APC2: variants seen among roughly 807,000 people sequenced by gnomAD.
The protein encoded by APC2 is APC regulator of Wnt signaling pathway 2.
APC2 carries 41 observed loss-of-function variants against 72.5 expected under a neutral mutation model. That is an observed-to-expected ratio of 0.57 (90% CI 0.44 to 0.73). The LOEUF (loss-of-function observed/expected upper bound fraction) is 0.73, where lower values mean the gene tolerates loss of function less well. APC2 is among the 30% of genes least tolerant of loss of function. The probability of loss-of-function intolerance (pLI) is 0.00; values close to 1 mark genes in which losing one functional copy is unlikely to be tolerated. For synonymous variants in APC2, 1,898 were observed against 1,612.0 expected (o/e 1.18, Z -4.25); for missense variants, 3,729 against 3,403.4 (o/e 1.10, Z -2.38).
At chr19:1,447,827 T>C (rs915459604), upstream of APC2, among the ~76,000 whole-genome samples, 2 of 152,056 alleles carry the variant, frequency 1.3e-5, no homozygotes, top group African/African-American at 4.8e-5. Context: ...CTGGCACAGG[T>C]GAACTCAGGC....
intron 10 of APC2, among the ~76,000 whole-genome samples, 168 bp from the exon 11 acceptor site, chr19:1,460,013 G>A (rs1160261183): frequency 6.6e-6 from 1 of 152,202 alleles, no homozygotes; most frequent in Non-Finnish European, 1.5e-5. Context: ...TGGCAGCAGG[G>A]TGAGGCCATA....
intron 14 of APC2, among the ~76,000 whole-genome samples, chr19:1,463,006 T>A (rs1282894795): frequency 6.7e-6 from 1 of 149,788 alleles, no homozygotes; most frequent in African/African-American, 2.5e-5. Context: ...CTGGGCTCGG[T>A]CCCTCACACC....
chr19:1,469,138 G>C lies in APC2; in HGVS notation c.5837G>C (p.Arg1946Pro), dbSNP rs1274066040. ...CGGCGTGGGCCGCCACCGCTGGCTCGGGCAGTCCCGGAGCCGGGCCCCAGG... is the reference window on the plus strand; with the variant it reads ...CGGCGTGGGCCGCCACCGCTGGCTCCGGCAGTCCCGGAGCCGGGCCCCAGG... ...PARRGPPPLA[R>P]AVPEPGPRGR... The change falls in exon 15 of 15, where the codon CGG becomes CCG. Residue 1946 changes from arginine (R) to proline (P), a missense_variant. Physicochemically the swap from Arg to Pro is moderately radical, Grantham distance 103. Transcript: ENST00000590469. 5.3e-6 allele frequency: 7 copies of C among 1,315,132 alleles called. No individual in the cohort carries two copies. Among genetic ancestry groups the C allele is most frequent in the African/African-American group, 1.5e-5 (1 of 64,572 alleles). The allele number at this position is 1,315,132 out of a possible 1,614,324, so 81.5% of individuals were successfully genotyped here.
In APC2 at chr19:1,465,436, G is replaced by A. The variant is rs758427526; in HGVS notation, c.2135G>A (p.Gly712Asp). The change falls in exon 15 of 15, where the codon GGC (glycine) becomes GAC (aspartate). Residue 712 changes from glycine to aspartate, a missense_variant. Transcript: ENST00000590469. ...GCGGCCGCCACCGCCGTGTCCCCAG[G>A]CAGCTGCGTGCCCAGCCTGTACGTG... Reference protein sequence around the residue: ...HQAAATAVSPGSCVPSLYVRK... With the variant: ...HQAAATAVSPDSCVPSLYVRK... 14 of 1,540,798 alleles carry A rather than the reference G, an allele frequency of 9.1e-6. 2 individuals carry two copies. In the South Asian group the frequency reaches 1.3e-4, roughly 14 times the overall value.
At chr19:1,458,098 C>A (rs1324798187) in intron 10 of APC2, 38 bp downstream of exon 10, 14 of 1,530,406 alleles carry the variant, frequency 9.1e-6, no homozygotes, top group Non-Finnish European at 1.2e-5. Context: ...CATCCTCCAG[C>A]CCCCGAACAG....
upstream of APC2, among the ~76,000 whole-genome samples, chr19:1,446,992 G>C (rs990754660): frequency 6.6e-6 from 1 of 152,096 alleles, no homozygotes; most frequent in South Asian, 2.1e-4. The surrounding 1 kb of genome is among the most constrained non-coding windows in gnomAD (Gnocchi z 6.1). Flanking sequence ...TAAGGCGCCC[G>C]CAAGAGAACG....
chr19:1,466,684 C>T lies in APC2; in HGVS notation c.3383C>T (p.Ala1128Val). Reference sequence around the variant, plus strand: ...ACCTCGCTGCCCGTAGCCATTCCGGCTCCCCGGCGTAACCGAGGCCGGGGC... The same window carrying T: ...ACCTCGCTGCCCGTAGCCATTCCGGTTCCCCGGCGTAACCGAGGCCGGGGC... ...GATSLPVAIPAPRRNRGRGLG... is the reference protein window; with the variant it reads ...GATSLPVAIPVPRRNRGRGLG... The change falls in exon 15 of 15, where the codon GCT becomes GTT. Residue 1128 changes from alanine (A) to valine (V), a missense_variant. By Grantham distance (64) the Ala-to-Val change is moderately conservative. Transcript: ENST00000590469. 6.6e-7 allele frequency: 1 copy of T among 1,511,020 alleles called. No individual in the cohort carries two copies. Among genetic ancestry groups the T allele is most frequent in the Non-Finnish European group, 8.9e-7 (1 of 1,129,180 alleles). 93.6% of individuals were successfully genotyped at this position (1,511,020 alleles called of 1,614,324 possible).
rs764387678 is a variant in APC2 at position 1,468,150 on chromosome 19, G to T, written c.4849G>T (p.Asp1617Tyr). 9.5e-6 allele frequency: 14 copies of T among 1,477,402 alleles called. No individual in the cohort carries two copies. Among genetic ancestry groups the T allele is most frequent in the Non-Finnish European group, 1.8e-6 (2 of 1,122,048 alleles). The allele number at this position is 1,477,402 out of a possible 1,614,324, so 91.5% of individuals were successfully genotyped here. Residue 1617 changes from aspartate (D) to tyrosine (Y), a missense_variant, in exon 15 of 15, where the codon GAC (aspartate) becomes TAC (tyrosine). Coordinates refer to ENST00000590469, the MANE Select transcript of APC2 (RefSeq NM_005883.3). ...GGACCCGGGCCCAGGAGGCGGACGC[G>T]ACAGCTCGCCCAGCCCGCGGGCCGC... ...TKDPGPGGGR[D>Y]SSPSPRAAEE...
chr19:1,467,393 A>G lies in APC2; in HGVS notation c.4092A>G (p.Pro1364=), dbSNP rs1226470567. 6.7e-7 allele frequency: 1 copy of G among 1,487,236 alleles called. No homozygotes were observed. The highest frequency in any genetic ancestry group is 2.8e-5 in the East Asian group (1 of 35,266). 92.1% of individuals were successfully genotyped at this position (1,487,236 alleles called of 1,614,324 possible). A position where few individuals can be genotyped will look rare whatever the true frequency, so the allele number is the denominator to read the frequency against. ...RLRKVASALV[P]GRRALPVPVY... is the part of the protein sequence containing the mutation. ...GCAAGGTGGCCTCCGCGCTGGTGCC[A>G]GGTCGCCGCGCACTCCCCGTGCCCG... The change falls in exon 15 of 15, where the codon CCA becomes CCG. Residue 1364 remains proline, a synonymous_variant. Transcript: ENST00000590469.
Position 1,467,291 on chromosome 19 carries a change from T to C in APC2, c.3990T>C (p.Ser1330=). 7.6e-7 allele frequency: 1 copy of C among 1,322,052 alleles called. No individual in the cohort carries two copies. Among genetic ancestry groups the C allele is most frequent in the Non-Finnish European group, 9.6e-7 (1 of 1,040,270 alleles). 81.9% of individuals were successfully genotyped at this position (1,322,052 alleles called of 1,614,324 possible). A position where few individuals can be genotyped will look rare whatever the true frequency, so the allele number is the denominator to read the frequency against. ...AGGAGGGGCCGGCGCCCACGGGTTCTCGCCCTCGCGGCGCCGCGGACCAGG... is the reference window on the plus strand; with the variant it reads ...AGGAGGGGCCGGCGCCCACGGGTTCCCGCCCTCGCGGCGCCGCGGACCAGG... The part of the protein sequence containing the change: ...RREEGPAPTG[S]RPRGAADQEL... The change falls in exon 15 of 15, where the codon TCT becomes TCC. Residue 1330 remains serine, a synonymous_variant. Coordinates refer to ENST00000590469, the MANE Select transcript of APC2 (RefSeq NM_005883.3).
In APC2 at chr19:1,465,661, T is replaced by TGGCTGC. The variant is rs2083996707; in HGVS notation, c.2364_2369dup (p.Ala791_Ala792dup). ...GACGACGACGATGCACCGTCATCCC[T>TGGCTGC]GGCTGCGGCCGCGGCCACCGGGGAG... On this transcript the variant is annotated inframe_insertion, in exon 15 of 15. Coordinates refer to ENST00000590469, the MANE Select transcript of APC2 (RefSeq NM_005883.3). The TGGCTGC allele has an allele frequency of 1.2e-6, 2 of 1,600,988 alleles. No homozygotes were observed. The highest frequency in any genetic ancestry group is 1.7e-6 in the Non-Finnish European group (2 of 1,174,998).
At position 1,467,626 on chromosome 19, in the gene APC2, G is replaced by C. The variant is rs1432635599; in HGVS notation, c.4325G>C (p.Arg1442Pro). 6.7e-7 allele frequency: 1 copy of C among 1,489,016 alleles called. No homozygotes were observed. The highest frequency in any genetic ancestry group is 1.3e-5 in the South Asian group (1 of 78,292). 92.2% of individuals were successfully genotyped at this position (1,489,016 alleles called of 1,614,324 possible). ...PTSARQAMGH[R>P]HKAGGAGRSA... ...TCTGCCAGACAGGCCATGGGGCACCGGCACAAGGCGGGAGGCGCCGGCCGC... is the reference window on the plus strand; with the variant it reads ...TCTGCCAGACAGGCCATGGGGCACCCGCACAAGGCGGGAGGCGCCGGCCGC... The change falls in exon 15 of 15, where the codon CGG becomes CCG. Residue 1442 changes from arginine to proline, a missense_variant. By Grantham distance (103) the Arg-to-Pro change is moderately radical (BLOSUM62 -2). Coordinates refer to ENST00000590469, the MANE Select transcript of APC2 (RefSeq NM_005883.3).
chr19:1,451,258 T>A (rs1231602748), intron 1 of APC2: 1 of 152,658 alleles, frequency 6.6e-6, no homozygotes, highest in Non-Finnish European at 1.5e-5. Flanking sequence ...TTGGCTTCGG[T>A]CAGCTGAGAA....
intron 13 of APC2, chr19:1,461,639 T>G (rs959579774): frequency 8.8e-6 from 3 of 341,756 alleles, no homozygotes; most frequent in East Asian, 1.2e-4. Flanking sequence ...GATCACAAGG[T>G]CAGGAGATCG....
In APC2 at chr19:1,465,614, T is replaced by C. The variant is rs2145231222; in HGVS notation, c.2313T>C (p.Tyr771=). 1 of 1,599,922 alleles carries C rather than the reference T, an allele frequency of 6.3e-7. No individual in the cohort carries two copies. The highest frequency in any genetic ancestry group is 8.5e-7 in the Non-Finnish European group (1 of 1,174,438). Residue 771 remains tyrosine, a synonymous_variant, in exon 15 of 15, where the codon TAT becomes TAC. Coordinates refer to ENST00000590469, the MANE Select transcript of APC2 (RefSeq NM_005883.3). Reference sequence around the variant, plus strand: ...ACCTGGACGGCCTGGCCCAAGACTATGCTTCCGATTCGGGCTGCTTTGACG... The same window carrying C: ...ACCTGGACGGCCTGGCCCAAGACTACGCTTCCGATTCGGGCTGCTTTGACG... The part of the protein sequence containing the change: ...LRHLDGLAQD[Y]ASDSGCFDDD...
chr19:1,470,155 C>T lies in APC2; in HGVS notation c.6854C>T (p.Thr2285Ile). ...CCCAGCCCCATGGTGGTCGCAGCCA[C>T]CACCGACTCGGCCGCGGAGAAAGCC... is the stretch of plus-strand genomic sequence containing the variant. ...YVPSPMVVAATTDSAAEKAPA... is the reference protein window; with the variant it reads ...YVPSPMVVAAITDSAAEKAPA... The change falls in exon 15 of 15, where the codon ACC (threonine) becomes ATC (isoleucine). Residue 2285 changes from threonine (T) to isoleucine (I), a missense_variant. Physicochemically the swap from Thr to Ile is moderately conservative, Grantham distance 89 (BLOSUM62 -1). Transcript: ENST00000590469. 1 of 1,604,618 alleles carries T rather than the reference C, an allele frequency of 6.2e-7. No homozygotes were observed. The highest frequency in any genetic ancestry group is 8.5e-7 in the Non-Finnish European group (1 of 1,177,382).
At position 1,469,851 on chromosome 19, in the gene APC2, C is replaced by G. The variant is rs1306191793; in HGVS notation, c.6550C>G (p.Arg2184Gly). The G allele has an allele frequency of 3.3e-6, 5 of 1,520,674 alleles. No individual in the cohort carries two copies. Among genetic ancestry groups the G allele is most frequent in the East Asian group, 5.1e-5 (2 of 38,910 alleles). 94.2% of individuals were successfully genotyped at this position (1,520,674 alleles called of 1,614,324 possible). ...PEDAPAGPPP[R>G]KTSDAVVQTE... is the part of the protein sequence containing the mutation. ...GGACGCCCCGGCCGGGCCCCCGCCG[C>G]GCAAGACCAGCGACGCCGTGGTCCA... is the stretch of plus-strand genomic sequence containing the variant. Residue 2184 changes from arginine (R) to glycine (G), a missense_variant, in exon 15 of 15, where the codon CGC becomes GGC. Coordinates refer to ENST00000590469, the MANE Select transcript of APC2 (RefSeq NM_005883.3).
Position 1,465,913 on chromosome 19 carries a change from G to T in APC2, c.2612G>T (p.Ser871Ile). The change falls in exon 15 of 15, where the codon AGC becomes ATC. Residue 871 changes from serine to isoleucine, a missense_variant. Coordinates refer to ENST00000590469, the MANE Select transcript of APC2 (RefSeq NM_005883.3). ...ISALHTSSDD[S>I]FSLSSGDPGQ... The stretch of plus-strand genomic sequence containing the variant: ...GCCCTGCACACCTCGTCCGACGATA[G>T]CTTCAGCCTCAGCTCTGGAGACCCG... 1 of 1,585,564 alleles carries T rather than the reference G, an allele frequency of 6.3e-7. No homozygotes were observed.
rs1347363769 is a variant in APC2, at chr19:1,466,641, T to TGGCGGGCGCCCGG, written c.3344_3356dup (p.Thr1120GlyfsTer17). 6.7e-7 allele frequency: 1 copy of TGGCGGGCGCCCGG among 1,497,850 alleles called. No homozygotes were observed. The highest frequency in any genetic ancestry group is 8.9e-7 in the Non-Finnish European group (1 of 1,125,206). The allele number at this position is 1,497,850 out of a possible 1,614,324, so 92.8% of individuals were successfully genotyped here. ...CAGCGAGGCTGAGCTGGACAGCACGTGGCGGGCGCCCGGGGCCACCTCGCT... is the reference window on the plus strand; with the variant it reads ...CAGCGAGGCTGAGCTGGACAGCACGTGGCGGGCGCCCGGGGCGGGCGCCCGGGGCCACCTCGCT... On this transcript the variant is annotated frameshift_variant, in exon 15 of 15. Transcript: ENST00000590469. LOFTEE classifies it low-confidence loss of function (END_TRUNC).
Sources: allele counts gnomAD v4.1 joint callset (sites outside exome capture counted in the v4.1 genomes callset), GRCh38; gene constraint gnomAD v4.1.1; non-coding constraint Gnocchi (gnomAD v3.1); transcripts MANE v1.5; gene names NCBI Gene and HGNC (gene_info 2026-07-23, HGNC 2026-07-21).